The following IMMP2L variants were observed in gnomAD, a reference collection of about 807,000 sequenced individuals.
IMMP2L encodes inner mitochondrial membrane peptidase subunit 2.
In IMMP2L, 18 loss-of-function variants were observed where a neutral mutation model predicts 19.3. That is an observed-to-expected ratio of 0.93 (90% CI 0.64 to 1.38). The LOEUF (loss-of-function observed/expected upper bound fraction) is 1.38, where lower values mean the gene tolerates loss of function less well. IMMP2L is among the 40% of genes most tolerant of loss of function. The probability of loss-of-function intolerance (pLI) is 0.00; values close to 1 mark genes in which losing one functional copy is unlikely to be tolerated. For synonymous variants in IMMP2L, 76 were observed against 73.0 expected (o/e 1.04, Z -0.21); for missense variants, 233 against 218.2 (o/e 1.07, Z -0.43).
chr7:111,501,384 C>G (rs376529722), intron 2 of IMMP2L, among the ~76,000 whole-genome samples: 24 of 152,070 alleles, frequency 1.6e-4, no homozygotes, highest in Admixed American at 4.6e-4. Flanking sequence ...ATGGAACCAA[C>G]TTGGAAAACA....
intron 3 of IMMP2L, among the ~76,000 whole-genome samples, chr7:110,980,508 G>A (rs545438468): frequency 1.3e-5 from 2 of 152,112 alleles, no homozygotes; most frequent in African/African-American, 2.4e-5. Context: ...GAGCCACTCC[G>A]CCCGGCCTAT....
intron 3 of IMMP2L, among the ~76,000 whole-genome samples, chr7:111,444,234 T>C (rs115398854): frequency 3.3e-5 from 5 of 152,302 alleles, no homozygotes; most frequent in African/African-American, 7.2e-5. Flanking sequence ...CGCTGATACA[T>C]ATATTTATGG....
At chr7:111,293,363 T>C (rs1422232263) in intron 3 of IMMP2L, among the ~76,000 whole-genome samples, 1 of 151,968 alleles carries the variant, frequency 6.6e-6, no homozygotes. Flanking sequence ...AGCTACATAT[T>C]ATTTCAAATG....
intron 2 of IMMP2L, among the ~76,000 whole-genome samples, chr7:111,509,864 G>A (rs910449260): frequency 6.6e-6 from 1 of 152,030 alleles, no homozygotes; most frequent in Non-Finnish European, 1.5e-5. Flanking sequence ...TATTTCTGTA[G>A]GGTTTAATTA....
At chr7:111,240,592 A>G (rs1365566696) in intron 3 of IMMP2L, among the ~76,000 whole-genome samples, 1 of 151,968 alleles carries the variant, frequency 6.6e-6, no homozygotes, top group Non-Finnish European at 1.5e-5. Context: ...AATTAAAAGG[A>G]AAAAGTGTAC....
intron 3 of IMMP2L, among the ~76,000 whole-genome samples, chr7:111,016,896 A>G (rs1382503796): frequency 8.8e-5 from 8 of 90,750 alleles, no homozygotes; most frequent in African/African-American, 3.7e-4. Flanking sequence ...TATATAATAT[A>G]TATTATATAT....
At chr7:111,117,602 G>T (rs145109462) in intron 3 of IMMP2L, among the ~76,000 whole-genome samples, 249 of 152,094 alleles carry the variant, frequency 1.6e-3, no homozygotes, top group African/African-American at 4.9e-3. Flanking sequence ...AAGGAAAATA[G>T]AACAGTCTTT....
rs1385789380 is a variant in IMMP2L at position 111,213,361 on chromosome 7, T to C, written c.240-249796A>G. Among the ~76,000 whole-genome samples, 1 of 152,154 alleles carries C rather than the reference T, an allele frequency of 6.6e-6. No individual in the cohort carries two copies. Among genetic ancestry groups the C allele is most frequent in the African/African-American group, 2.4e-5 (1 of 41,428 alleles). On this transcript the variant is annotated intron_variant, in intron 3 of 5. Coordinates refer to ENST00000405709, the MANE Select transcript of IMMP2L (RefSeq NM_032549.4). This position sits in a 1 kb window ranked among gnomAD's most constrained non-coding sequence, Gnocchi z 4.8. ...GGCTGAGTGGGGCCTGAAGGCAGCT[T>C]GGTGCTGGCCTGCAGGCACCCCACA... is the stretch of plus-strand genomic sequence containing the variant.
chr7:111,153,250 A>T (rs113819979), intron 3 of IMMP2L, among the ~76,000 whole-genome samples: 4 of 152,246 alleles, frequency 2.6e-5, no homozygotes, highest in African/African-American at 9.6e-5. Context: ...ATAGGTATTC[A>T]AACTTCACTG....
intron 5 of IMMP2L, among the ~76,000 whole-genome samples, chr7:110,675,055 G>A (rs1041184784): frequency 3.3e-5 from 5 of 152,086 alleles, no homozygotes; most frequent in African/African-American, 1.2e-4. Context: ...CCAATATAAA[G>A]ATCAATATAT....
In IMMP2L at chr7:110,950,098, TCTTA is replaced by T. The variant is rs1176807155; in HGVS notation, c.305+13398_305+13401del. Reference sequence around the variant, plus strand: ...TTTCTAGACGTTGCACATTTTCAGGTCTTACTTTTTAATCTAATCAACTTTGAGT... The same window carrying T: ...TTTCTAGACGTTGCACATTTTCAGGTCTTTTTAATCTAATCAACTTTGAGT... On this transcript the variant is annotated intron_variant, in intron 4 of 5. Transcript: ENST00000405709. 1.2e-4 allele frequency among the ~76,000 whole-genome samples: 19 copies of T among 152,270 alleles called. No homozygotes were observed. In the East Asian group the frequency reaches 3.7e-3, roughly 29 times the overall value.
chr7:111,297,156 A>G (rs913551649), intron 3 of IMMP2L, among the ~76,000 whole-genome samples: 12 of 152,052 alleles, frequency 7.9e-5, no homozygotes, highest in Non-Finnish European at 1.3e-4. Flanking sequence ...GTTTGCATGA[A>G]TCTACAAATG....
At chr7:110,793,561 A>G (rs1255556088) in intron 5 of IMMP2L, among the ~76,000 whole-genome samples, 1 of 152,148 alleles carries the variant, frequency 6.6e-6, no homozygotes, top group African/African-American at 2.4e-5. Flanking sequence ...AGAAATCAAC[A>G]AAAATGCACA....
chr7:111,159,365 C>T (rs1248302281), intron 3 of IMMP2L, among the ~76,000 whole-genome samples: 1 of 152,220 alleles, frequency 6.6e-6, no homozygotes, highest in East Asian at 1.9e-4. Context: ...CCACCCACCT[C>T]GGCCTCCCAA....
At chr7:111,308,699 A>C (rs1290286019) in intron 3 of IMMP2L, among the ~76,000 whole-genome samples, 1 of 152,008 alleles carries the variant, frequency 6.6e-6, no homozygotes, top group African/African-American at 2.4e-5. Flanking sequence ...TTTCAAATAT[A>C]ACATTATAAT....
At chr7:111,013,637 C>T (rs1337222842) in intron 3 of IMMP2L, among the ~76,000 whole-genome samples, 1 of 152,098 alleles carries the variant, frequency 6.6e-6, no homozygotes, top group African/African-American at 2.4e-5. Flanking sequence ...CAAACTAACT[C>T]CTCCCACATA....
intron 5 of IMMP2L, among the ~76,000 whole-genome samples, chr7:110,672,931 T>C (rs1047080632): frequency 6.6e-6 from 1 of 152,176 alleles, no homozygotes; most frequent in African/African-American, 2.4e-5. Context: ...TGTCAGTGGA[T>C]CTACCATTTT....
At chr7:111,107,831 C>T (rs1251939552) in intron 3 of IMMP2L, among the ~76,000 whole-genome samples, 2 of 152,022 alleles carry the variant, frequency 1.3e-5, no homozygotes, top group Non-Finnish European at 2.9e-5. Flanking sequence ...GTAGTATTTC[C>T]AATTCTGCAG....
At chr7:111,259,102 C>G (rs1388211988) in intron 3 of IMMP2L, among the ~76,000 whole-genome samples, 1 of 151,806 alleles carries the variant, frequency 6.6e-6, no homozygotes, top group Non-Finnish European at 1.5e-5. Context: ...CTAAACATAT[C>G]TAACATGTCT....
Sources: allele counts gnomAD v4.1 joint callset (sites outside exome capture counted in the v4.1 genomes callset), GRCh38; gene constraint gnomAD v4.1.1; non-coding constraint Gnocchi (gnomAD v3.1); transcripts MANE v1.5; gene names NCBI Gene and HGNC (gene_info 2026-07-23, HGNC 2026-07-21).